B3GALT1: variants seen among roughly 807,000 people sequenced by gnomAD.
B3GALT1 encodes UDP-Gal:betaGlcNAc beta 1,3-galactosyltransferase, polypeptide 1.
A neutral mutation model predicts 23.2 loss-of-function variants in B3GALT1; 10 were observed. That is an observed-to-expected ratio of 0.43 (90% CI 0.27 to 0.73). B3GALT1 has a LOEUF of 0.73. Ranked by LOEUF, B3GALT1 falls within the 30% of genes least tolerant of loss-of-function variation. The pLI, the probability that B3GALT1 is intolerant of heterozygous loss-of-function variation, is 0.21. For synonymous variants in B3GALT1, 156 were observed against 141.5 expected (o/e 1.10, Z -0.73); for missense variants, 299 against 405.4 (o/e 0.74, Z 2.25).
chr2:167,815,125 CT>C, intron 3 of B3GALT1: 1 of 152,350 alleles, frequency 6.6e-6, no homozygotes. Context: ...CAGACTCTCC[CT>C]TTGCCTTCTT....
chr2:167,459,905 G>T (rs114417164), intron 1 of B3GALT1, among the ~76,000 whole-genome samples: 4 of 152,008 alleles, frequency 2.6e-5, no homozygotes, highest in African/African-American at 7.2e-5. Flanking sequence ...TGTTTTTGTT[G>T]TTTCATTTTA....
chr2:167,514,378 A>G (rs1048624334), intron 2 of B3GALT1, among the ~76,000 whole-genome samples: 2 of 152,226 alleles, frequency 1.3e-5, no homozygotes, highest in African/African-American at 4.8e-5. Context: ...GAATAAAATG[A>G]CATTAATTTT....
At chr2:167,489,541 C>G (rs768729520) in intron 1 of B3GALT1, among the ~76,000 whole-genome samples, 2 of 152,098 alleles carry the variant, frequency 1.3e-5, no homozygotes, top group Non-Finnish European at 2.9e-5. Context: ...ATTTTCCTTG[C>G]GAGTTCCAGA....
rs560367990 is a variant in B3GALT1, at chr2:167,653,377, G to A, written c.-352+6411G>A. On this transcript the variant is annotated intron_variant, in intron 3 of 4. Transcript: ENST00000392690. Reference sequence around the variant, plus strand: ...TTATATATAGCAGTTTTAAAACCCCGAAAATTCCATGAGTTCTTTTGTTAA... The same window carrying A: ...TTATATATAGCAGTTTTAAAACCCCAAAAATTCCATGAGTTCTTTTGTTAA... Among the ~76,000 whole-genome samples, 40 of 152,178 alleles carry A rather than the reference G, an allele frequency of 2.6e-4. 1 individual carries two copies. The highest frequency in any genetic ancestry group is 2.2e-3 in the Admixed American group (33 of 15,294).
intron 2 of B3GALT1, among the ~76,000 whole-genome samples, chr2:167,569,943 T>C (rs894170025): frequency 1.6e-4 from 24 of 151,954 alleles, no homozygotes; most frequent in African/African-American, 5.8e-4. Context: ...GATTTTTCTC[T>C]TTTAGCCTCT....
chr2:167,858,244 CTT>C (rs899138970), intron 4 of B3GALT1, among the ~76,000 whole-genome samples: 30 of 149,816 alleles, frequency 2.0e-4, no homozygotes, highest in African/African-American at 7.4e-4. Flanking sequence ...CAGTGCAAGA[CTT>C]TTTAATATAG....
At chr2:167,766,224 G>T (rs542695127) in intron 3 of B3GALT1, among the ~76,000 whole-genome samples, 1 of 152,278 alleles carries the variant, frequency 6.6e-6, no homozygotes, top group African/African-American at 2.4e-5. Context: ...CTTGTGAATG[G>T]AAGGAGGATC....
chr2:167,564,759 G>A (rs963386671), intron 2 of B3GALT1, among the ~76,000 whole-genome samples: 1 of 152,234 alleles, frequency 6.6e-6, no homozygotes, highest in Non-Finnish European at 1.5e-5. Context: ...ATTCACAATT[G>A]CTTCAAAGAG....
intron 1 of B3GALT1, among the ~76,000 whole-genome samples, chr2:167,315,458 G>A (rs1696701698): frequency 6.6e-6 from 1 of 152,020 alleles, no homozygotes; most frequent in African/African-American, 2.4e-5. Flanking sequence ...AGCAGTAGTG[G>A]TTGTCACCAA....
intron 2 of B3GALT1, among the ~76,000 whole-genome samples, chr2:167,562,649 C>CT (rs60455696): frequency 0.45 from 61,938 of 138,892 alleles, 14,727 homozygotes; most frequent in East Asian, 0.93. Flanking sequence ...CACAAGCATT[C>CT]TTTTTTTTTT....
At chr2:167,583,310 A>G (rs77928592) in intron 2 of B3GALT1, among the ~76,000 whole-genome samples, 1 of 152,136 alleles carries the variant, frequency 6.6e-6, no homozygotes, top group Non-Finnish European at 1.5e-5. Flanking sequence ...ATGTAGCTGC[A>G]AAAAAGCATC....
chr2:167,436,218 T>C (rs1698784780), intron 1 of B3GALT1, among the ~76,000 whole-genome samples: 1 of 152,178 alleles, frequency 6.6e-6, no homozygotes, highest in Non-Finnish European at 1.5e-5. Flanking sequence ...ATCTGGCTCT[T>C]GATGACACTT....
intron 3 of B3GALT1, among the ~76,000 whole-genome samples, chr2:167,718,765 C>T (rs1687189493): frequency 6.6e-6 from 1 of 151,918 alleles, no homozygotes; most frequent in Non-Finnish European, 1.5e-5. Flanking sequence ...TTAGCAAGGC[C>T]TGTTTGTTTA....
At chr2:167,861,773 AAGAG>A (rs1690105747) in intron 4 of B3GALT1, among the ~76,000 whole-genome samples, 1 of 152,172 alleles carries the variant, frequency 6.6e-6, no homozygotes, top group Admixed American at 6.5e-5. Flanking sequence ...CCTAGAAAGT[AAGAG>A]AGAGGAGACA....
At chr2:167,516,182 AT>A (rs1431835092) in intron 2 of B3GALT1, among the ~76,000 whole-genome samples, 1 of 151,782 alleles carries the variant, frequency 6.6e-6, no homozygotes, top group Non-Finnish European at 1.5e-5. Context: ...TTTCAACATA[AT>A]TTTTTTTCTG....
chr2:167,783,289 C>A (rs12328334), intron 3 of B3GALT1, among the ~76,000 whole-genome samples: 40,011 of 151,820 alleles, frequency 0.26, 6,989 homozygotes, highest in African/African-American at 0.49. Flanking sequence ...TGTTTGTGGC[C>A]CACATGAGGA....
At chr2:167,665,183 A>C (rs1686151791) in intron 3 of B3GALT1, among the ~76,000 whole-genome samples, 1 of 149,908 alleles carries the variant, frequency 6.7e-6, no homozygotes, top group African/African-American at 2.5e-5. Flanking sequence ...GCGTTGTTGA[A>C]TTTTGTCAAA....
rs74903391 is a variant in B3GALT1, at chr2:167,319,761, T to C, written c.-511+26427T>C. On this transcript the variant is annotated intron_variant, in intron 1 of 4. Transcript: ENST00000392690. ...TACTTAATTATATACAAAAACATCC[T>C]ATTAATGATTTAAAATGATGACTAA... is the stretch of plus-strand genomic sequence containing the variant. Among the ~76,000 whole-genome samples the C allele has an allele frequency of 3.2e-3, 480 of 152,248 alleles. 21 individuals are homozygous for C. The East Asian group carries it at 0.064, about 20-fold the overall frequency.
chr2:167,761,053 G>A (rs1193887289), intron 3 of B3GALT1, among the ~76,000 whole-genome samples: 1 of 152,132 alleles, frequency 6.6e-6, no homozygotes, highest in Non-Finnish European at 1.5e-5. Context: ...ACTCTATGGT[G>A]GGGCATTCAT....
Sources: gnomAD v4.1 joint callset for allele counts (sites outside exome capture counted in the v4.1 genomes callset) on GRCh38, gnomAD v4.1.1 for gene constraint, MANE v1.5 for transcripts, NCBI Gene and HGNC (gene_info 2026-07-23, HGNC 2026-07-21) for gene names.